The following PHKB variants were observed in gnomAD, a reference collection of about 807,000 sequenced individuals.
PHKB encodes the protein phosphorylase kinase regulatory subunit beta.
Under a neutral mutation model 152.1 loss-of-function variants are expected in PHKB, and 122 were observed. That is an observed-to-expected ratio of 0.80 (90% CI 0.69 to 0.93). The LOEUF is 0.93. Ranked by LOEUF, PHKB falls within the 40% of genes least tolerant of loss-of-function variation. The pLI, the probability that PHKB is intolerant of heterozygous loss-of-function variation, is 0.00. For synonymous variants in PHKB, 436 were observed against 464.9 expected, an observed-to-expected ratio of 0.94 and a Z score of 0.80; for missense variants, 1,304 against 1,328.4, an observed-to-expected ratio of 0.98 and a Z score of 0.29.
At chr16:47,547,645 A>G (rs560350130) in intron 7 of PHKB, 97 bp downstream of exon 7, 2 of 763,210 alleles carry the variant, frequency 2.6e-6, no homozygotes, top group Non-Finnish European at 4.5e-6. Context: ...TGTGATTCAT[A>G]TGTTAATTTG....
At position 47,539,982 on chromosome 16, in the gene PHKB, ACTGT is replaced by A. The variant is rs1394599672; in HGVS notation, c.595-7447_595-7444del. ...CAAGGGAAGACACCCATAAGGTCTG[ACTGT>A]CTGCAGGGTCGGGCAAAAAAAGCCA... On this transcript the variant is annotated intron_variant, in intron 6 of 30. Coordinates refer to ENST00000323584, the MANE Select transcript of PHKB (RefSeq NM_000293.3). Among the ~76,000 whole-genome samples, 8 of 152,178 alleles carry A rather than the reference ACTGT, an allele frequency of 5.3e-5. No homozygotes were observed. In the East Asian group the frequency reaches 1.3e-3, roughly 26 times the overall value.
chr16:47,663,974 G>A, intron 24 of PHKB: 1 of 556,532 alleles, frequency 1.8e-6, no homozygotes, highest in Admixed American at 3.1e-5. Flanking sequence ...CGCTGGAATG[G>A]TATGCTAAGG....
intron 1 of PHKB, among the ~76,000 whole-genome samples, chr16:47,465,921 G>A (rs1253417978): frequency 2.0e-5 from 3 of 152,120 alleles, no homozygotes; most frequent in African/African-American, 7.2e-5. Flanking sequence ...CTTTTCATTG[G>A]TACTTTGGCC....
chr16:47,544,781 G>A (rs1034607468), intron 6 of PHKB, among the ~76,000 whole-genome samples: 1 of 152,126 alleles, frequency 6.6e-6, no homozygotes, highest in African/African-American at 2.4e-5. Flanking sequence ...CCTGTATTGG[G>A]TGCACATATC....
At chr16:47,495,690 T>A (rs753673164) in intron 1 of PHKB, among the ~76,000 whole-genome samples, 7 of 152,188 alleles carry the variant, frequency 4.6e-5, no homozygotes, top group African/African-American at 9.7e-5. Flanking sequence ...ATTACTCCTT[T>A]CTGATTGCCA....
chr16:47,630,166 A>G (rs1248331970), intron 14 of PHKB, among the ~76,000 whole-genome samples: 1 of 152,098 alleles, frequency 6.6e-6, no homozygotes, highest in East Asian at 1.9e-4. Flanking sequence ...CTAAAACTTA[A>G]AGTATATAAA....
intron 27 of PHKB, among the ~76,000 whole-genome samples, chr16:47,692,246 T>A (rs1050247816): frequency 4.6e-5 from 7 of 152,230 alleles, no homozygotes; most frequent in Non-Finnish European, 7.3e-5. Flanking sequence ...CTAGAAATAG[T>A]GTTGGTCATG....
intron 30 of PHKB, 101 bp from the exon 31 acceptor site, chr16:47,699,128 T>C (rs948794858): frequency 9.3e-7 from 1 of 1,081,080 alleles, no homozygotes; most frequent in African/African-American, 1.5e-5. Context: ...TAAGGAAATC[T>C]TTATGTGAAT....
chr16:47,627,574 T>C (rs562650567), intron 14 of PHKB, among the ~76,000 whole-genome samples: 1 of 152,364 alleles, frequency 6.6e-6, no homozygotes, highest in South Asian at 2.1e-4. Flanking sequence ...GGAATACTTT[T>C]AAAAATTCAT....
At chr16:47,579,620 AGAT>A (rs1971808413) in intron 7 of PHKB, among the ~76,000 whole-genome samples, 1 of 152,246 alleles carries the variant, frequency 6.6e-6, no homozygotes, top group South Asian at 2.1e-4. Flanking sequence ...GATACTTAAA[AGAT>A]GATATCATAT....
intron 14 of PHKB, among the ~76,000 whole-genome samples, chr16:47,617,746 C>T (rs2151713028): frequency 6.6e-6 from 1 of 152,250 alleles, no homozygotes; most frequent in Admixed American, 6.5e-5. Flanking sequence ...TCCCACCATC[C>T]CATCCAGAGG....
intron 7 of PHKB, among the ~76,000 whole-genome samples, chr16:47,572,710 T>A (rs1028747625): frequency 6.6e-6 from 1 of 152,158 alleles, no homozygotes; most frequent in Non-Finnish European, 1.5e-5. Context: ...TTTCCTTGGT[T>A]ATAAGTAGCC....
chr16:47,533,722 G>A (rs1187793062), intron 6 of PHKB, among the ~76,000 whole-genome samples: 2 of 152,208 alleles, frequency 1.3e-5, no homozygotes, highest in Non-Finnish European at 2.9e-5. Flanking sequence ...TGCGAGGGCA[G>A]GGAGGGGGTT....
At chr16:47,595,814 T>G (rs1281454802) in intron 12 of PHKB, among the ~76,000 whole-genome samples, 1 of 152,206 alleles carries the variant, frequency 6.6e-6, no homozygotes, top group East Asian at 1.9e-4. Flanking sequence ...GTTGAATTAG[T>G]GTTTTAAGTC....
At chr16:47,662,972 G>A (rs1973469724) in intron 23 of PHKB, among the ~76,000 whole-genome samples, 2 of 151,974 alleles carry the variant, frequency 1.3e-5, no homozygotes, top group South Asian at 4.1e-4. Context: ...TTATAAATTT[G>A]AGAATAATAT....
chr16:47,649,090 T>C lies in PHKB; in HGVS notation c.1693-10T>C. ...TTTAGTTATTTGTTTTAAAACTTTT[T>C]CCCTTACAGATTTATCGCATTCTAG... On this transcript the variant is annotated splice_polypyrimidine_tract_variant and intron_variant, in intron 17 of 30. Transcript: ENST00000323584. The C allele has an allele frequency of 1.3e-6, 2 of 1,491,284 alleles. No individual in the cohort carries two copies. The highest frequency in any genetic ancestry group is 2.3e-5 in the South Asian group (2 of 88,588). 92.4% of individuals were successfully genotyped at this position (1,491,284 alleles called of 1,614,324 possible). A position where few individuals can be genotyped will look rare whatever the true frequency, so the allele number is the denominator to read the frequency against.
intron 20 of PHKB, among the ~76,000 whole-genome samples, chr16:47,651,279 T>C (rs1973233255): frequency 6.6e-6 from 1 of 152,210 alleles, no homozygotes; most frequent in South Asian, 2.1e-4. Flanking sequence ...GGAATAAACC[T>C]TTTTCCATTC....
rs550641658 is a variant in PHKB at position 47,678,264 on chromosome 16, T to C, written c.2630+8847T>C. Among the ~76,000 whole-genome samples, 811 of 151,882 alleles carry C rather than the reference T, an allele frequency of 5.3e-3. 6 individuals are homozygous for C. The highest frequency in any genetic ancestry group is 0.019 in the African/African-American group (781 of 41,168). ...TGTGTCTTTATAGCAGCATGATTTA[T>C]AATCCTTTGGGTATATACCCAGTAA... On this transcript the variant is annotated intron_variant, in intron 26 of 30. Transcript: ENST00000323584.
intron 20 of PHKB, among the ~76,000 whole-genome samples, chr16:47,659,340 T>C (rs913099944): frequency 1.3e-5 from 2 of 152,222 alleles, no homozygotes; most frequent in African/African-American, 4.8e-5. Context: ...TTCTTCACAT[T>C]TGAGATGAAC....
Sources: allele counts gnomAD v4.1 joint callset (sites outside exome capture counted in the v4.1 genomes callset), GRCh38; gene constraint gnomAD v4.1.1; transcripts MANE v1.5; gene names NCBI Gene and HGNC (gene_info 2026-07-23, HGNC 2026-07-21).